Variants in GALNTL6 observed in about 807,000 individuals in gnomAD.
GALNTL6 encodes polypeptide N-acetylgalactosaminyltransferase-like 6.
GALNTL6 carries 46 observed loss-of-function variants against 73.7 expected under a neutral mutation model. The ratio of observed to expected loss-of-function variants is 0.62; its 90% CI spans 0.49 to 0.80. GALNTL6 has a LOEUF of 0.80. GALNTL6 is among the 30% of genes least tolerant of loss of function. The probability of loss-of-function intolerance (pLI) is 0.00; values close to 1 mark genes in which losing one functional copy is unlikely to be tolerated. For synonymous variants in GALNTL6, 259 were observed against 263.7 expected (o/e 0.98, Z 0.17); for missense variants, 604 against 755.0 (o/e 0.80, Z 2.34).
chr4:172,545,839 C>T (rs139549475), intron 5 of GALNTL6: 87 of 151,950 alleles, frequency 5.7e-4, no homozygotes, highest in African/African-American at 2.1e-3. Context: ...TGCCTGTGGC[C>T]TATATATTGA....
Position 171,947,403 on chromosome 4 carries a change from C to T in GALNTL6, c.138+132685C>T, listed in dbSNP as rs1428460991. Among the ~76,000 whole-genome samples, 7 of 151,798 alleles carry T rather than the reference C, an allele frequency of 4.6e-5. No homozygotes were observed. In the South Asian group the frequency reaches 6.2e-4, roughly 13 times the overall value. On this transcript the variant is annotated intron_variant, in intron 2 of 12. Coordinates refer to ENST00000506823, the MANE Select transcript of GALNTL6 (RefSeq NM_001034845.3). ...TGAGCATGGTTAGGGTTAACTTTTG[C>T]CTGCCTTACCAGTAGTAATATATCT...
intron 2 of GALNTL6, among the ~76,000 whole-genome samples, chr4:172,048,600 A>G (rs1243129578): frequency 1.3e-5 from 2 of 152,188 alleles, no homozygotes; most frequent in Non-Finnish European, 2.9e-5. Flanking sequence ...TATTATGTAG[A>G]TTATATTATG....
chr4:172,762,068 T>G (rs188690291), intron 5 of GALNTL6, among the ~76,000 whole-genome samples: 241 of 152,346 alleles, frequency 1.6e-3, no homozygotes, highest in African/African-American at 5.6e-3. Context: ...TTTTACTTAT[T>G]TTCCAATTAA....
At position 172,222,308 on chromosome 4, in the gene GALNTL6, C is replaced by T. The variant is rs1198763837; in HGVS notation, c.139-7348C>T. On this transcript the variant is annotated intron_variant, in intron 2 of 12. Transcript: ENST00000506823. ...AAGCAGGAAGCAAGAGATGTCAGAA[C>T]TCTCAAATTGTGTTCTTTATTCACA... Among the ~76,000 whole-genome samples, 5 of 150,508 alleles carry T rather than the reference C, an allele frequency of 3.3e-5. No homozygotes were observed. In the South Asian group the frequency reaches 6.3e-4, roughly 19 times the overall value.
chr4:171,892,254 A>G (rs759535838), intron 2 of GALNTL6, among the ~76,000 whole-genome samples: 28 of 152,170 alleles, frequency 1.8e-4, no homozygotes, highest in Non-Finnish European at 3.8e-4. Context: ...CATTTCAAAT[A>G]AGGGCTATTC....
At chr4:172,968,084 A>G (rs1417791380) in intron 10 of GALNTL6, among the ~76,000 whole-genome samples, 3 of 152,210 alleles carry the variant, frequency 2.0e-5, no homozygotes, top group African/African-American at 7.2e-5. Flanking sequence ...AGAAACAAAC[A>G]ACATGGACAT....
intron 7 of GALNTL6, among the ~76,000 whole-genome samples, chr4:172,820,692 C>A (rs928275086): frequency 1.8e-4 from 27 of 152,160 alleles, no homozygotes; most frequent in Non-Finnish European, 3.7e-4. Context: ...AGTGGGAGAA[C>A]TTTGTTCATT....
rs542684980 is a variant in GALNTL6, at chr4:171,930,206, A to G, written c.138+115488A>G. The stretch of plus-strand genomic sequence containing the variant: ...GCCTGTGGGTCCTGCACACCAATAC[A>G]TGCCCAGTCCAACAATCAATGTGGC... On this transcript the variant is annotated intron_variant, in intron 2 of 12. Coordinates refer to ENST00000506823, the MANE Select transcript of GALNTL6 (RefSeq NM_001034845.3). Among the ~76,000 whole-genome samples, 23 of 152,342 alleles carry G rather than the reference A, an allele frequency of 1.5e-4. No individual in the cohort carries two copies. In the Middle Eastern group the frequency reaches 0.014, roughly 90 times the overall value.
intron 3 of GALNTL6, among the ~76,000 whole-genome samples, chr4:172,301,385 G>A (rs191736557): frequency 2.0e-3 from 297 of 152,250 alleles, no homozygotes; most frequent in Middle Eastern, 3.4e-3. Context: ...GTCATTTGCC[G>A]TCCAGCTTTG....
intron 2 of GALNTL6, among the ~76,000 whole-genome samples, chr4:172,028,530 G>T (rs891452838): frequency 2.6e-5 from 4 of 151,984 alleles, no homozygotes; most frequent in Non-Finnish European, 5.9e-5. Context: ...TTTAGTTTTA[G>T]ATTGAGATAG....
At chr4:172,498,016 G>A (rs555196886) in intron 5 of GALNTL6, among the ~76,000 whole-genome samples, 89 of 118,270 alleles carry the variant, frequency 7.5e-4, no homozygotes, top group African/African-American at 3.3e-3. Context: ...TTTTGAGATG[G>A]AGTCTTGCTC....
chr4:171,976,731 G>T (rs188578665), intron 2 of GALNTL6, among the ~76,000 whole-genome samples: 181 of 152,290 alleles, frequency 1.2e-3, no homozygotes, highest in African/African-American at 4.2e-3. Flanking sequence ...GTTTAGGAAA[G>T]ACTTAGACAT....
At chr4:172,964,476 T>C (rs946244891) in intron 10 of GALNTL6, among the ~76,000 whole-genome samples, 1 of 152,228 alleles carries the variant, frequency 6.6e-6, no homozygotes, top group Non-Finnish European at 1.5e-5. Flanking sequence ...TGTGCAAACT[T>C]TTTAAAAAAT....
chr4:172,855,257 A>G (rs1744066042), intron 7 of GALNTL6, among the ~76,000 whole-genome samples: 1 of 151,150 alleles, frequency 6.6e-6, no homozygotes, highest in Admixed American at 6.6e-5. Flanking sequence ...CTAAAATGTG[A>G]TTCACATACC....
intron 10 of GALNTL6, among the ~76,000 whole-genome samples, chr4:172,958,813 G>A (rs1477388224): frequency 6.6e-6 from 1 of 152,146 alleles, no homozygotes; most frequent in East Asian, 1.9e-4. Flanking sequence ...AGAGAGGCTG[G>A]GGTGAAGGGT....
chr4:172,385,731 G>A (rs1200875040), intron 5 of GALNTL6, among the ~76,000 whole-genome samples: 1 of 151,854 alleles, frequency 6.6e-6, no homozygotes, highest in African/African-American at 2.4e-5. Flanking sequence ...TTTCATTGGA[G>A]TTTTACTTAA....
intron 2 of GALNTL6, among the ~76,000 whole-genome samples, chr4:171,971,347 T>A (rs114104085): frequency 3.3e-5 from 5 of 152,182 alleles, no homozygotes; most frequent in Non-Finnish European, 5.9e-5. Flanking sequence ...GACTACAAGG[T>A]TCCAAAGACT....
intron 2 of GALNTL6, among the ~76,000 whole-genome samples, chr4:171,867,522 A>T (rs931527579): frequency 1.3e-5 from 2 of 152,190 alleles, no homozygotes; most frequent in Non-Finnish European, 2.9e-5. Flanking sequence ...CAAATTTACC[A>T]CTTGTTTCCA....
intron 2 of GALNTL6, among the ~76,000 whole-genome samples, chr4:171,907,079 T>C (rs1180977206): frequency 2.6e-5 from 4 of 152,082 alleles, no homozygotes; most frequent in African/African-American, 9.7e-5. Flanking sequence ...TTTTGAAAAC[T>C]GGCACAAGAC....
Sources: allele counts gnomAD v4.1 joint callset (sites outside exome capture counted in the v4.1 genomes callset), GRCh38; gene constraint gnomAD v4.1.1; transcripts MANE v1.5; gene names NCBI Gene and HGNC (gene_info 2026-07-23, HGNC 2026-07-21).